The following PARD3B variants were observed in gnomAD, a reference collection of about 807,000 sequenced individuals.
PARD3B encodes the protein partitioning defective 3 homolog B.
Under a neutral mutation model 130.2 loss-of-function variants are expected in PARD3B, and 103 were observed. The ratio of observed to expected loss-of-function variants is 0.79; its 90% CI spans 0.67 to 0.93. The LOEUF (loss-of-function observed/expected upper bound fraction) is 0.93, where lower values mean the gene tolerates loss of function less well. Among genes scored for constraint, PARD3B ranks in the 40% least tolerant of loss-of-function variants. The pLI, the probability that PARD3B is intolerant of heterozygous loss-of-function variation, is 0.00. For missense variants in PARD3B, 1,609 were observed against 1,499.2 expected (o/e 1.07, Z -1.21); for synonymous variants, 583 against 553.2 (o/e 1.05, Z -0.76).
intron 1 of PARD3B, among the ~76,000 whole-genome samples, chr2:204,658,092 C>T (rs1333608013): frequency 6.6e-6 from 1 of 152,074 alleles, no homozygotes; most frequent in Non-Finnish European, 1.5e-5. Context: ...TCTACTATGG[C>T]AGATAATTTT....
At chr2:204,551,589 C>T (rs1292065547) in intron 1 of PARD3B, among the ~76,000 whole-genome samples, 1 of 152,162 alleles carries the variant, frequency 6.6e-6, no homozygotes, top group Non-Finnish European at 1.5e-5. Context: ...CATCCCCACA[C>T]ACCCTCTGTG....
chr2:204,830,160 G>A (rs955857196), intron 2 of PARD3B, among the ~76,000 whole-genome samples: 2 of 152,058 alleles, frequency 1.3e-5, no homozygotes, highest in African/African-American at 2.4e-5. Context: ...CTGTGGAACC[G>A]TAAGTCAGTT....
intron 15 of PARD3B, among the ~76,000 whole-genome samples, chr2:205,242,186 G>A (rs977916942): frequency 3.3e-5 from 5 of 151,954 alleles, no homozygotes; most frequent in African/African-American, 9.7e-5. Context: ...TCAGAGAAAG[G>A]CCTCTAATTT....
At chr2:205,239,804 C>T (rs1258817980) in intron 15 of PARD3B, among the ~76,000 whole-genome samples, 2 of 152,162 alleles carry the variant, frequency 1.3e-5, no homozygotes, top group South Asian at 4.1e-4. Context: ...TTCTGATTAG[C>T]TCACTCTCAG....
At position 204,867,153 on chromosome 2, in the gene PARD3B, A is replaced by AT. The variant is rs928166927; in HGVS notation, c.223-97989dup. ...CTACCACTTGGTAAAGCATTTGTTG[A>AT]TTTTTTTTTTCAGGAATACAAATGC... On this transcript the variant is annotated intron_variant, in intron 2 of 22. Coordinates refer to ENST00000406610, the MANE Select transcript of PARD3B (RefSeq NM_001302769.2). 2.9e-4 allele frequency among the ~76,000 whole-genome samples: 43 copies of AT among 150,766 alleles called. 1 individual carries two copies. Among genetic ancestry groups the AT allele is most frequent in the East Asian group, 7.8e-4 (4 of 5,158 alleles).
chr2:205,321,034 TC>T lies in PARD3B; in HGVS notation c.2630+19336del, dbSNP rs1193938498. 6.6e-6 allele frequency among the ~76,000 whole-genome samples: 1 copy of T among 152,218 alleles called. No homozygotes were observed. Among genetic ancestry groups the T allele is most frequent in the African/African-American group, 2.4e-5 (1 of 41,450 alleles). On this transcript the variant is annotated intron_variant, in intron 18 of 22. Coordinates refer to ENST00000406610, the MANE Select transcript of PARD3B (RefSeq NM_001302769.2). This position sits in a 1 kb window ranked among gnomAD's most constrained non-coding sequence, Gnocchi z 4.2. ...ATTTTTTGTTCCCTTTCCATAGTTC[TC>T]CCTACCTTCTCTGAAAATCTTGCTT...
At chr2:205,040,218 T>C (rs1321459516) in intron 3 of PARD3B, among the ~76,000 whole-genome samples, 1 of 152,180 alleles carries the variant, frequency 6.6e-6, no homozygotes. Context: ...CACCTTGGCC[T>C]CCCAAAGTTC....
chr2:204,646,896 C>T (rs1036552041), intron 1 of PARD3B, among the ~76,000 whole-genome samples: 4 of 151,976 alleles, frequency 2.6e-5, no homozygotes, highest in African/African-American at 9.7e-5. Flanking sequence ...ACCTTAAACA[C>T]TCTATGAACA....
intron 18 of PARD3B, among the ~76,000 whole-genome samples, chr2:205,386,782 G>C (rs1441726705): frequency 6.6e-6 from 1 of 151,830 alleles, no homozygotes; most frequent in Non-Finnish European, 1.5e-5. Flanking sequence ...GTCCCTGTTT[G>C]ATCCCAGCTA....
chr2:204,649,044 CAT>C (rs1384415100), intron 1 of PARD3B, among the ~76,000 whole-genome samples: 2 of 118,334 alleles, frequency 1.7e-5, no homozygotes, highest in Admixed American at 1.1e-4. Flanking sequence ...TAATATATAT[CAT>C]ATAAATAATA....
chr2:204,790,786 C>G (rs2042174158), intron 2 of PARD3B, among the ~76,000 whole-genome samples: 1 of 152,132 alleles, frequency 6.6e-6, no homozygotes, highest in South Asian at 2.1e-4. Context: ...AAAACACTGT[C>G]CGCTTATTAT....
At chr2:204,835,251 T>C (rs1279767613) in intron 2 of PARD3B, among the ~76,000 whole-genome samples, 1 of 152,206 alleles carries the variant, frequency 6.6e-6, no homozygotes, top group Non-Finnish European at 1.5e-5. Context: ...ATGAGATGCA[T>C]GCTAAGAAAT....
At chr2:205,177,861 A>T (rs956061466) in intron 13 of PARD3B, among the ~76,000 whole-genome samples, 4 of 152,142 alleles carry the variant, frequency 2.6e-5, no homozygotes, top group African/African-American at 4.8e-5. Context: ...TAAATAATTT[A>T]CTCACAAATG....
intron 2 of PARD3B, among the ~76,000 whole-genome samples, chr2:204,809,549 A>G (rs530895407): frequency 2.7e-5 from 4 of 150,606 alleles, no homozygotes; most frequent in East Asian, 1.9e-4. Flanking sequence ...ACAGGTGGTC[A>G]TAGATGTGTG....
At chr2:204,965,431 C>A in intron 3 of PARD3B, 108 bp downstream of exon 3, 3 of 1,174,432 alleles carry the variant, frequency 2.6e-6, no homozygotes, top group African/African-American at 1.6e-5. Context: ...TATTTTATAT[C>A]GTGGTTTATC....
intron 22 of PARD3B, among the ~76,000 whole-genome samples, chr2:205,598,801 T>C (rs1230129341): frequency 6.6e-6 from 1 of 152,094 alleles, no homozygotes; most frequent in Non-Finnish European, 1.5e-5. Flanking sequence ...CAGAAATCAA[T>C]ACCAAGAGGA....
At position 204,859,466 on chromosome 2, in the gene PARD3B, C is replaced by G. The variant is rs73068635; in HGVS notation, c.223-105686C>G. 6.6e-3 allele frequency among the ~76,000 whole-genome samples: 1,009 copies of G among 152,270 alleles called. 7 individuals carry two copies. Among genetic ancestry groups the G allele is most frequent in the African/African-American group, 0.023 (947 of 41,562 alleles). On this transcript the variant is annotated intron_variant, in intron 2 of 22. Transcript: ENST00000406610. ...AGCACCCTCCCCCATTTATAAAGGT[C>G]AGACATGCCTATGGTGTACATTGCT...
intron 20 of PARD3B, among the ~76,000 whole-genome samples, chr2:205,472,894 A>T (rs776179736): frequency 1.3e-5 from 2 of 152,170 alleles, no homozygotes; most frequent in African/African-American, 2.4e-5. Flanking sequence ...AGAAAGGAAC[A>T]GAACAATGAG....
At chr2:204,688,138 G>T (rs949373463) in intron 2 of PARD3B, among the ~76,000 whole-genome samples, 1 of 152,094 alleles carries the variant, frequency 6.6e-6, no homozygotes, top group Non-Finnish European at 1.5e-5. Context: ...CCTAGCTGAG[G>T]ATTAGTACTG....
Sources: allele counts gnomAD v4.1 joint callset (sites outside exome capture counted in the v4.1 genomes callset), GRCh38; gene constraint gnomAD v4.1.1; non-coding constraint Gnocchi (gnomAD v3.1); transcripts MANE v1.5; gene names NCBI Gene and HGNC (gene_info 2026-07-23, HGNC 2026-07-21).